The following FRMPD4 variants were observed in gnomAD, a reference collection of about 807,000 sequenced individuals.
The protein encoded by FRMPD4 is FERM and PDZ domain-containing protein 4.
In FRMPD4, 22 loss-of-function variants were observed where a neutral mutation model predicts 94.1. That is an observed-to-expected ratio of 0.23 (90% confidence interval 0.17 to 0.33). FRMPD4 has a LOEUF of 0.33. Ranked by LOEUF, FRMPD4 falls within the 10% of genes least tolerant of loss-of-function variation. The probability of loss-of-function intolerance (pLI) is 1.00; values close to 1 mark genes in which losing one functional copy is unlikely to be tolerated. For synonymous variants in FRMPD4, 631 were observed against 548.6 expected (o/e 1.15, Z -2.10); for missense variants, 1,111 against 1,339.9 (o/e 0.83, Z 2.67).
intron 1 of FRMPD4, among the ~76,000 whole-genome samples, chrX:12,245,141 A>C (rs910135230): frequency 8.9e-6 from 1 of 112,061 alleles, no homozygotes; most frequent in South Asian, 3.8e-4. Context: ...CCAAACCTGC[A>C]TATGTTGAGG....
rs754554602 is a variant in FRMPD4, at chrX:12,310,636, A to G, written c.41+171624A>G. Among the ~76,000 whole-genome samples, 13 of 112,562 alleles carry G rather than the reference A, an allele frequency of 1.2e-4. No individual in the cohort carries two copies. In the South Asian group the frequency reaches 4.8e-3, roughly 42 times the overall value. ...GGGAATGTATTCATATGGAGCAAAA[A>G]AGGAGCAATTCTTGATGAAGCTTTG... On this transcript the variant is annotated intron_variant, in intron 1 of 16. Transcript: ENST00000675598.
intron 1 of FRMPD4, among the ~76,000 whole-genome samples, chrX:12,204,400 A>G (rs1193441472): frequency 8.9e-6 from 1 of 111,862 alleles, no homozygotes; most frequent in Non-Finnish European, 1.9e-5. Context: ...GTACCCTTGG[A>G]TACTGTTGTC....
chrX:12,166,532 C>G (rs2147634080), intron 1 of FRMPD4, among the ~76,000 whole-genome samples: 1 of 111,247 alleles, frequency 9.0e-6, no homozygotes, highest in African/African-American at 3.3e-5. Context: ...TGTGTCTCTG[C>G]CAGGCTTTGG....
intron 5 of FRMPD4, among the ~76,000 whole-genome samples, chrX:12,683,193 G>T (rs2059990133): frequency 8.9e-6 from 1 of 112,078 alleles, no homozygotes; most frequent in African/African-American, 3.2e-5. Flanking sequence ...TAAAAGCAGA[G>T]TTTGTGTGCT....
chrX:12,078,075 C>T (rs1248930427), intron 3 of FRMPD4, among the ~76,000 whole-genome samples: 1 of 111,339 alleles, frequency 9.0e-6, no homozygotes, highest in Non-Finnish European at 1.9e-5. Flanking sequence ...TTCCCTCAGG[C>T]CGTTGGGAGA....
chrX:12,388,227 A>T (rs1387944255), intron 1 of FRMPD4, among the ~76,000 whole-genome samples: 1 of 112,118 alleles, frequency 8.9e-6, no homozygotes, highest in Non-Finnish European at 1.9e-5. Context: ...CTTATGATTT[A>T]TGTACTTCAT....
chrX:12,569,987 T>C (rs1430230662), intron 2 of FRMPD4, among the ~76,000 whole-genome samples: 1 of 112,427 alleles, frequency 8.9e-6, no homozygotes, highest in African/African-American at 3.2e-5. Flanking sequence ...TGGAACACAC[T>C]ATGCACCAGG....
At chrX:11,968,666 C>T (rs1221179832) in intron 3 of FRMPD4, among the ~76,000 whole-genome samples, 8 of 111,210 alleles carry the variant, frequency 7.2e-5, no homozygotes, top group Non-Finnish European at 1.1e-4. Context: ...ATGAATCTCT[C>T]GGTTGGCCAC....
At position 12,609,701 on chromosome X, in the gene FRMPD4, T is replaced by C; in HGVS notation, c.159-20T>C. On this transcript the variant is annotated intron_variant, in intron 2 of 16. Transcript: ENST00000675598. ...ACATACATTGATGCCTTGTTTCTCT[T>C]GTATGTGCTTTCTCCACAGTCACAT... 8.4e-7 allele frequency: 1 copy of C among 1,190,179 alleles called. No homozygotes were observed.
chrX:12,032,178 G>A lies in FRMPD4; in HGVS notation c.95+154160G>A, dbSNP rs369235625. Among the ~76,000 whole-genome samples the A allele has an allele frequency of 4.5e-5, 5 of 112,057 alleles. No homozygotes were observed. In the South Asian group the frequency reaches 1.1e-3, roughly 25 times the overall value. On this transcript the variant is annotated intron_variant, in intron 3 of 18. Coordinates refer to the FRMPD4 transcript ENST00000640291. ...CAAGCAAGTACTGGGGTGGAGATATGAACTTAAGAATCATCATCATACAGT... is the reference window on the plus strand; with the variant it reads ...CAAGCAAGTACTGGGGTGGAGATATAAACTTAAGAATCATCATCATACAGT...
At position 12,707,480 on chromosome X, in the gene FRMPD4, G is replaced by T. The variant is rs761605755; in HGVS notation, c.1299G>T (p.Lys433Asn). The change falls in exon 13 of 17, where the codon AAG becomes AAT. Residue 433 changes from lysine (K) to asparagine (N), a missense_variant. Lys to Asn is a moderately conservative substitution (Grantham distance 94). This residue lies in a region of FRMPD4 where 111 missense variants were observed against 160.7 expected (regional missense o/e 0.69). Coordinates refer to ENST00000675598, the MANE Select transcript of FRMPD4 (RefSeq NM_001368397.1). ...CTTCTCTTTCTCAGCAGGCAGAAAA[G>T]CGCTCGGAAGTGACTCTCCTGGTTG... Reference protein sequence around the residue: ...VFKATLVQAEKRSEVTLLVGP... With the variant: ...VFKATLVQAENRSEVTLLVGP... The T allele has an allele frequency of 1.0e-5, 12 of 1,193,739 alleles. No homozygotes were observed. In the African/African-American group the frequency reaches 2.1e-4, roughly 21 times the overall value.
intron 1 of FRMPD4, among the ~76,000 whole-genome samples, chrX:12,278,446 T>C (rs191382671): frequency 1.8e-5 from 2 of 112,282 alleles, no homozygotes; most frequent in African/African-American, 6.5e-5. Context: ...TTCTGTGCAC[T>C]CATTTATTAA....
At chrX:12,465,402 C>T (rs947422449) in intron 1 of FRMPD4, among the ~76,000 whole-genome samples, 1 of 111,068 alleles carries the variant, frequency 9.0e-6, no homozygotes, top group Non-Finnish European at 1.9e-5. Context: ...ATCCTAATGG[C>T]CACTTGGCTC....
chrX:12,170,490 A>G (rs1736236728), intron 1 of FRMPD4, among the ~76,000 whole-genome samples: 1 of 111,890 alleles, frequency 8.9e-6, no homozygotes, highest in East Asian at 2.8e-4. Context: ...AGAAGAAAAT[A>G]AAACTCCTGT....
chrX:12,075,005 T>C (rs1176558384), intron 3 of FRMPD4, among the ~76,000 whole-genome samples: 1 of 112,072 alleles, frequency 8.9e-6, no homozygotes, highest in Non-Finnish European at 1.9e-5. Context: ...AAAGGGCAAT[T>C]TACTTGGCTA....
intron 2 of FRMPD4, among the ~76,000 whole-genome samples, chrX:11,873,744 A>G (rs917286161): frequency 2.7e-5 from 3 of 110,462 alleles, no homozygotes; most frequent in Non-Finnish European, 5.7e-5. Flanking sequence ...TAACAAGCTA[A>G]TTGTAAAATT....
chrX:12,095,019 A>G (rs369884060), intron 3 of FRMPD4, among the ~76,000 whole-genome samples: 61 of 111,559 alleles, frequency 5.5e-4, no homozygotes, highest in African/African-American at 2.0e-3. Flanking sequence ...TGGGCTCATG[A>G]CCTAAATTCA....
chrX:12,418,593 C>T (rs758038078), intron 1 of FRMPD4, among the ~76,000 whole-genome samples: 4 of 109,318 alleles, frequency 3.7e-5, no homozygotes, highest in African/African-American at 9.9e-5. Flanking sequence ...CTCCCGACCT[C>T]GTGATCCGTC....
intron 2 of FRMPD4, among the ~76,000 whole-genome samples, chrX:11,868,965 C>T (rs1419033934): frequency 8.9e-6 from 1 of 112,276 alleles, no homozygotes; most frequent in Non-Finnish European, 1.9e-5. Context: ...GAAAACTTTG[C>T]TGACCCTTAG....
Sources: gnomAD v4.1 joint callset for allele counts (sites outside exome capture counted in the v4.1 genomes callset) on GRCh38, gnomAD v4.1.1 for gene constraint, gnomAD v4.1.1 regional missense constraint, MANE v1.5 for transcripts, NCBI Gene and HGNC (gene_info 2026-07-23, HGNC 2026-07-21) for gene names.